Variants in AQP7B observed in about 807,000 individuals in gnomAD.
The protein encoded by AQP7B is aquaporin 7B.
the AQP7B span, among the ~76,000 whole-genome samples, chr2:94,592,160 T>C: frequency 2.6e-5 from 4 of 152,266 alleles, no homozygotes; most frequent in South Asian, 8.3e-4. Context: ...CTCTCTCCTC[T>C]TCTGTGGTTA....
At chr2:94,595,784 G>A in the AQP7B span, among the ~76,000 whole-genome samples, 6 of 152,166 alleles carry the variant, frequency 3.9e-5, no homozygotes, top group African/African-American at 1.4e-4. Flanking sequence ...CCGATGAGCT[G>A]TTCTGGAGCA....
chr2:94,595,141 G>C, the AQP7B span, among the ~76,000 whole-genome samples: 7 of 152,290 alleles, frequency 4.6e-5, no homozygotes, highest in East Asian at 1.4e-3. Flanking sequence ...CCAGAGTAAA[G>C]ATATTGAAGA....
the AQP7B span, among the ~76,000 whole-genome samples, chr2:94,597,440 C>A: frequency 6.6e-6 from 1 of 152,120 alleles, no homozygotes. Context: ...TGCTAAGCCC[C>A]TTATGTGCAG....
At chr2:94,589,815 C>A in the AQP7B span, among the ~76,000 whole-genome samples, 1 of 152,072 alleles carries the variant, frequency 6.6e-6, no homozygotes, top group East Asian at 1.9e-4. Flanking sequence ...TTGGCTCAGT[C>A]AGGGGTCCCC....
the AQP7B span, chr2:94,603,885 C>T: frequency 6.6e-6 from 9 of 1,356,816 alleles, no homozygotes; most frequent in South Asian, 9.9e-5. Context: ...ACCCGCCCCC[C>T]AGCATCTTCA....
chr2:94,588,983 C>CTTTTTTTTTTTTTTTTT, the AQP7B span, among the ~76,000 whole-genome samples: 2 of 135,398 alleles, frequency 1.5e-5, no homozygotes, highest in African/African-American at 2.7e-5. Context: ...GTTTTTTTTT[C>CTTTTTTTTTTTTTTTTT]TTTTTTTTTT....
the AQP7B span, among the ~76,000 whole-genome samples, chr2:94,593,480 C>CTTT: frequency 9.4e-4 from 107 of 113,936 alleles, no homozygotes; most frequent in African/African-American, 1.2e-3. Context: ...TCCTCTTCCT[C>CTTT]TTTTTTTTTT....
At chr2:94,600,121 C>T in the AQP7B span, among the ~76,000 whole-genome samples, 2 of 151,986 alleles carry the variant, frequency 1.3e-5, no homozygotes, top group Non-Finnish European at 2.9e-5. Flanking sequence ...CCATCCACCT[C>T]GGCCTCCCAA....
chr2:94,602,096 A>G, the AQP7B span, among the ~76,000 whole-genome samples: 1 of 150,080 alleles, frequency 6.7e-6, no homozygotes, highest in African/African-American at 2.5e-5. Context: ...ATGGATTTGG[A>G]GGTCCCTTGA....
the AQP7B span, chr2:94,604,455 T>C: frequency 4.3e-6 from 7 of 1,611,390 alleles, no homozygotes; most frequent in Non-Finnish European, 5.9e-6. Flanking sequence ...TTGCCCAAGA[T>C]GGGATCTCAT....
the AQP7B span, among the ~76,000 whole-genome samples, chr2:94,589,076 G>T: frequency 6.7e-6 from 1 of 149,162 alleles, no homozygotes; most frequent in Non-Finnish European, 1.5e-5. Flanking sequence ...TCCTTCTCCT[G>T]GGTTCAAGTG....
At chr2:94,602,625 C>T in the AQP7B span, 1 of 1,586,432 alleles carries the variant, frequency 6.3e-7, no homozygotes, top group Admixed American at 1.7e-5. Context: ...GGTGAGTGAG[C>T]CCAGGGCCTA....
At chr2:94,599,877 CT>C in the AQP7B span, among the ~76,000 whole-genome samples, 105 of 146,746 alleles carry the variant, frequency 7.2e-4, no homozygotes, top group Non-Finnish European at 1.3e-3. Flanking sequence ...TTTTTTTTTT[CT>C]TTTTTTTTTC....
the AQP7B span, among the ~76,000 whole-genome samples, chr2:94,592,812 C>CTTT: frequency 2.7e-4 from 14 of 51,754 alleles, no homozygotes; most frequent in Admixed American, 7.6e-4. Flanking sequence ...ATTAATTAAG[C>CTTT]TTTTTTTTTT....
the AQP7B span, among the ~76,000 whole-genome samples, chr2:94,592,803 T>C: frequency 5.5e-5 from 8 of 145,866 alleles, no homozygotes; most frequent in Non-Finnish European, 9.0e-5. Context: ...AAACTGTTAA[T>C]TAATTAAGCT....
At chr2:94,592,779 G>A in the AQP7B span, among the ~76,000 whole-genome samples, 2 of 139,640 alleles carry the variant, frequency 1.4e-5, no homozygotes, top group Non-Finnish European at 3.1e-5. Context: ...TATGATCCCA[G>A]CCCTTAGGAA....
At chr2:94,603,921 G>C in the AQP7B span, 1 of 1,281,838 alleles carries the variant, frequency 7.8e-7, no homozygotes, top group East Asian at 2.3e-5. Flanking sequence ...GGGGCAAACA[G>C]GTCTTCAGGT....
At chr2:94,604,432 C>T in the AQP7B span, 31 of 1,611,398 alleles carry the variant, frequency 1.9e-5, no homozygotes, top group Non-Finnish European at 2.4e-5. Flanking sequence ...ATGAAGACCA[C>T]GGGATAACCG....
the AQP7B span, chr2:94,594,822 G>A: frequency 1.3e-6 from 2 of 1,560,874 alleles, no homozygotes; most frequent in African/African-American, 1.4e-5. Context: ...AAGATGAGAG[G>A]AAGATGGTGC....
Sources: allele counts gnomAD v4.1 joint callset (sites outside exome capture counted in the v4.1 genomes callset), GRCh38; gene constraint gnomAD v4.1.1; transcripts MANE v1.5; gene names NCBI Gene and HGNC (gene_info 2026-07-23, HGNC 2026-07-21).